The following ZSCAN4 variants were observed in gnomAD, a reference collection of about 807,000 sequenced individuals.
The protein encoded by ZSCAN4 is zinc finger and SCAN domain-containing protein 4.
In ZSCAN4, 18 loss-of-function variants were observed where a neutral mutation model predicts 18.3. The ratio of observed to expected loss-of-function variants is 0.98; its 90% confidence interval spans 0.68 to 1.46. The LOEUF is 1.46. Ranked by LOEUF, ZSCAN4 falls within the 40% of genes most tolerant of loss-of-function variation. The pLI is 0.00. For missense variants in ZSCAN4, 498 were observed against 511.4 expected, an observed-to-expected ratio of 0.97 and a Z score of 0.25; for synonymous variants, 193 against 180.3, an observed-to-expected ratio of 1.07 and a Z score of -0.57.
the ZSCAN4 span, among the ~76,000 whole-genome samples, chr19:57,663,379 C>T: frequency 1.3e-5 from 2 of 151,094 alleles, no homozygotes; most frequent in African/African-American, 4.9e-5. Flanking sequence ...TAATGGTAGA[C>T]CTTTATGTCA....
chr19:57,655,417 T>C, the ZSCAN4 span, among the ~76,000 whole-genome samples: 1 of 152,190 alleles, frequency 6.6e-6, no homozygotes, highest in Non-Finnish European at 1.5e-5. Context: ...GTTCTTGGGC[T>C]ACTCTGTCAA....
the ZSCAN4 span, among the ~76,000 whole-genome samples, chr19:57,651,482 C>T: frequency 6.6e-6 from 1 of 152,128 alleles, no homozygotes; most frequent in Non-Finnish European, 1.5e-5. Flanking sequence ...CCCCAGTCTA[C>T]AACAAGCCCA....
rs780463253 is a variant in ZSCAN4, at chr19:57,677,923, C to T, written c.406C>T (p.His136Tyr). Reference sequence around the variant, plus strand: ...CTGGCTTTCTTTACAGGTCCACGTCCACATGCAGGGACAGGAAGCTCTCTT... The same window carrying T: ...CTGGCTTTCTTTACAGGTCCACGTCTACATGCAGGGACAGGAAGCTCTCTT... The change falls in exon 4 of 5, where the codon CAC becomes TAC. Residue 136 changes from histidine (H) to tyrosine (Y), a missense_variant. Transcript: ENST00000318203. 3.2e-6 allele frequency: 5 copies of T among 1,540,960 alleles called. No individual in the cohort carries two copies. The African/African-American group carries it at 5.5e-5, about 17-fold the overall frequency.
At chr19:57,653,875 A>G in the ZSCAN4 span, among the ~76,000 whole-genome samples, 18 of 152,300 alleles carry the variant, frequency 1.2e-4, no homozygotes, top group Non-Finnish European at 2.5e-4. Context: ...TGTGCTCAGC[A>G]AGACGCTTCA....
chr19:57,663,853 G>T, the ZSCAN4 span, among the ~76,000 whole-genome samples: 1 of 151,716 alleles, frequency 6.6e-6, no homozygotes, highest in Non-Finnish European at 1.5e-5. Flanking sequence ...AAGCCCAGGC[G>T]CTGTGGCTCA....
the ZSCAN4 span, among the ~76,000 whole-genome samples, chr19:57,662,655 G>T: frequency 3.3e-5 from 5 of 151,748 alleles, no homozygotes; most frequent in East Asian, 9.7e-4. Context: ...TCCTCCTCCT[G>T]GTTCAAGTGA....
chr19:57,674,956 G>GTTTTTTT (rs11303340), intron 2 of ZSCAN4, among the ~76,000 whole-genome samples: 1 of 128,564 alleles, frequency 7.8e-6, no homozygotes, highest in South Asian at 2.5e-4. Flanking sequence ...TTCACATCAA[G>GTTTTTTT]TTTTTTTTTT....
exon 5 of ZSCAN4, chr19:57,678,460 C>T (rs1984259764): frequency 1.2e-6 from 2 of 1,613,964 alleles, no homozygotes; most frequent in Non-Finnish European, 1.7e-6. Context: ...CCTGAGTCTG[C>T]CCTTACCCAC....
chr19:57,678,938 T>A, exon 5 of ZSCAN4: 1 of 1,530,888 alleles, frequency 6.5e-7, no homozygotes, highest in Non-Finnish European at 8.7e-7. Flanking sequence ...TAAATATGTA[T>A]GCAAGTATGT....
upstream of ZSCAN4, among the ~76,000 whole-genome samples, chr19:57,664,127 T>A (rs1428783218): frequency 1.4e-5 from 2 of 142,804 alleles, no homozygotes; most frequent in East Asian, 2.1e-4. Context: ...AGAGTCTCCG[T>A]CAAAAAAGAA....
At chr19:57,671,653 T>A (rs1267081170) in intron 2 of ZSCAN4, among the ~76,000 whole-genome samples, 1 of 152,108 alleles carries the variant, frequency 6.6e-6, no homozygotes, top group East Asian at 1.9e-4. Flanking sequence ...AGGGGAGCCA[T>A]CCAGAGAGTA....
the ZSCAN4 span, among the ~76,000 whole-genome samples, chr19:57,663,520 TAAAAAAAAAAAA>T: frequency 2.0e-4 from 13 of 66,576 alleles, no homozygotes; most frequent in Admixed American, 2.5e-3. Context: ...ACCATGTCTC[TAAAAAAAAAAAA>T]AAAAAAAAAA....
the ZSCAN4 span, among the ~76,000 whole-genome samples, chr19:57,661,266 G>A: frequency 2.6e-5 from 4 of 152,218 alleles, no homozygotes; most frequent in South Asian, 2.1e-4. Flanking sequence ...TCAACCTAAG[G>A]AAGGAACACT....
rs188614386 is a variant in ZSCAN4, at chr19:57,677,854, C to T, written c.397-60C>T. ...GAGAGCCTGTTAAGGACCACTTTTC[C>T]AAAAAGTCTTCTGTTACACAACAGA... is the stretch of plus-strand genomic sequence containing the variant. On this transcript the variant is annotated intron_variant, in intron 3 of 4. Coordinates refer to ENST00000318203, the Ensembl canonical transcript of ZSCAN4. 2.3e-4 allele frequency: 333 copies of T among 1,463,142 alleles called. No individual in the cohort carries two copies. In the African/African-American group the frequency reaches 4.1e-3, roughly 18 times the overall value. 90.6% of individuals were successfully genotyped at this position (1,463,142 alleles called of 1,614,324 possible). A position where few individuals can be genotyped will look rare whatever the true frequency, so the allele number is the denominator to read the frequency against.
chr19:57,678,491 C>T lies in ZSCAN4; in HGVS notation c.888C>T (p.Ser296=), dbSNP rs137874923. The change falls in exon 5 of 5, where the codon TCC becomes TCT. Residue 296 remains serine, a synonymous_variant. Coordinates refer to ENST00000318203, the Ensembl canonical transcript of ZSCAN4. ...CCCACCAGAGCAATGAGGGAAATTC[C>T]ACATGTGAGGTACATCAGAAAGGAT... 668 of 1,614,102 alleles carry T rather than the reference C, an allele frequency of 4.1e-4. No homozygotes were observed. In the African/African-American group the frequency reaches 7.1e-3, roughly 17 times the overall value.
intron 2 of ZSCAN4, among the ~76,000 whole-genome samples, chr19:57,671,145 G>A (rs1419363500): frequency 6.6e-6 from 1 of 152,062 alleles, no homozygotes; most frequent in Non-Finnish European, 1.5e-5. Flanking sequence ...TTACAGATGT[G>A]AGCCACTGTG....
intron 2 of ZSCAN4, among the ~76,000 whole-genome samples, chr19:57,673,024 C>T (rs914539943): frequency 2.0e-5 from 3 of 151,988 alleles, no homozygotes; most frequent in Non-Finnish European, 4.4e-5. Context: ...CTGAGAAGGA[C>T]ATGGTGACAT....
intron 2 of ZSCAN4, among the ~76,000 whole-genome samples, chr19:57,671,508 A>G (rs1485269035): frequency 6.8e-6 from 1 of 147,696 alleles, no homozygotes; most frequent in Non-Finnish European, 1.5e-5. Flanking sequence ...AAAAAAAAAA[A>G]AAAGAGAGAG....
At chr19:57,662,511 A>G in the ZSCAN4 span, among the ~76,000 whole-genome samples, 1 of 152,254 alleles carries the variant, frequency 6.6e-6, no homozygotes, top group African/African-American at 2.4e-5. Context: ...CTTATCCAAG[A>G]TTGTAAAAAT....
Sources: gnomAD v4.1 joint callset for allele counts (sites outside exome capture counted in the v4.1 genomes callset) on GRCh38, gnomAD v4.1.1 for gene constraint, MANE v1.5 for transcripts, NCBI Gene and HGNC (gene_info 2026-07-23, HGNC 2026-07-21) for gene names.